The following PHACTR4 variants were observed in gnomAD, a reference collection of about 807,000 sequenced individuals.
PHACTR4 encodes the protein protein phosphatase 1, regulatory subunit 124.
A neutral mutation model predicts 72.7 loss-of-function variants in PHACTR4; 51 were observed. The ratio of observed to expected loss-of-function variants is 0.70; its 90% CI spans 0.56 to 0.89. The LOEUF is 0.89. PHACTR4 is among the 40% of genes least tolerant of loss of function. The pLI, the probability that PHACTR4 is intolerant of heterozygous loss-of-function variation, is 0.00. For synonymous variants in PHACTR4, 255 were observed against 302.5 expected, an observed-to-expected ratio of 0.84 and a Z score of 1.63; for missense variants, 731 against 861.8, an observed-to-expected ratio of 0.85 and a Z score of 1.90.
chr1:28,449,939 T>C (rs1021975386), intron 2 of PHACTR4, among the ~76,000 whole-genome samples: 1 of 151,940 alleles, frequency 6.6e-6, no homozygotes, highest in Non-Finnish European at 1.5e-5. Flanking sequence ...AGGAAAAATA[T>C]GGTGGTTGAA....
At chr1:28,473,027 C>A (rs1399845690) in intron 6 of PHACTR4, among the ~76,000 whole-genome samples, 1 of 150,980 alleles carries the variant, frequency 6.6e-6, no homozygotes, top group Non-Finnish European at 1.5e-5. Flanking sequence ...GTAATCCCAA[C>A]ACTTTGAGAG....
intron 2 of PHACTR4, chr1:28,454,010 G>T: frequency 2.4e-6 from 1 of 421,518 alleles, no homozygotes; most frequent in Non-Finnish European, 4.5e-6. Context: ...GAGCTCAGGG[G>T]TTTGAGACCA....
chr1:28,420,115 G>A (rs1438988586), intron 2 of PHACTR4, among the ~76,000 whole-genome samples: 1 of 152,134 alleles, frequency 6.6e-6, no homozygotes, highest in African/African-American at 2.4e-5. Context: ...TGAACTGTGA[G>A]TGGTCTCGCA....
At chr1:28,426,619 G>T (rs988114533) in intron 2 of PHACTR4, among the ~76,000 whole-genome samples, 1 of 151,386 alleles carries the variant, frequency 6.6e-6, no homozygotes, top group Non-Finnish European at 1.5e-5. Flanking sequence ...AGCCGAGATT[G>T]CACCACTGCA....
intron 1 of PHACTR4, among the ~76,000 whole-genome samples, chr1:28,400,883 G>A: frequency 6.6e-6 from 1 of 152,060 alleles, no homozygotes; most frequent in East Asian, 1.9e-4. Flanking sequence ...CCCGGCCTGA[G>A]TGAAGGGTTT....
intron 9 of PHACTR4, 84 bp downstream of exon 9, chr1:28,480,688 G>A (rs763499762): frequency 6.4e-7 from 1 of 1,552,736 alleles, no homozygotes; most frequent in Non-Finnish European, 8.8e-7. Flanking sequence ...GTTTTTTTGT[G>A]TGTGTTTTGT....
At chr1:28,458,185 A>G (rs1185618595) in intron 2 of PHACTR4, among the ~76,000 whole-genome samples, 4 of 148,928 alleles carry the variant, frequency 2.7e-5, no homozygotes, top group Admixed American at 6.8e-5. Flanking sequence ...TCTGTTGCCC[A>G]GGCTGGAGTG....
chr1:28,432,063 G>A (rs1229610717), intron 2 of PHACTR4, among the ~76,000 whole-genome samples: 1 of 152,234 alleles, frequency 6.6e-6, no homozygotes, highest in Non-Finnish European at 1.5e-5. Context: ...ACAAAAATTA[G>A]CTGGGTGTGG....
At chr1:28,418,183 C>T (rs146237376) in intron 2 of PHACTR4, among the ~76,000 whole-genome samples, 1,599 of 151,562 alleles carry the variant, frequency 0.011, 27 homozygotes, top group African/African-American at 0.037. Flanking sequence ...TACATTTGTC[C>T]GGCTGGGTGT....
At chr1:28,481,107 C>G (rs967074180) in intron 9 of PHACTR4, among the ~76,000 whole-genome samples, 1 of 152,066 alleles carries the variant, frequency 6.6e-6, no homozygotes, top group Non-Finnish European at 1.5e-5. Flanking sequence ...TCATGGCTCA[C>G]CACCTCCAAC....
chr1:28,465,960 C>T, intron 5 of PHACTR4, 111 bp downstream of exon 5: 2 of 1,096,754 alleles, frequency 1.8e-6, no homozygotes, highest in Non-Finnish European at 2.6e-6. Flanking sequence ...ATTACATTCT[C>T]CTTTAACAAT....
At chr1:28,411,201 C>G (rs1373256785) in intron 2 of PHACTR4, among the ~76,000 whole-genome samples, 1 of 151,644 alleles carries the variant, frequency 6.6e-6, no homozygotes, top group Admixed American at 6.6e-5. Flanking sequence ...CACCTGCCAC[C>G]ACACCCAACT....
chr1:28,414,903 G>A (rs1655011602), intron 2 of PHACTR4, among the ~76,000 whole-genome samples: 2 of 152,080 alleles, frequency 1.3e-5, no homozygotes, highest in African/African-American at 2.4e-5. Context: ...TCATTTCAGA[G>A]ACCTGGATAA....
chr1:28,370,617 A>AAAAAAAAG (rs1337703948), intron 1 of PHACTR4, among the ~76,000 whole-genome samples: 1 of 151,794 alleles, frequency 6.6e-6, no homozygotes. Context: ...CTTGCAAAAA[A>AAAAAAAAG]AAAAAACCCT....
At chr1:28,449,870 C>T (rs1034059218) in intron 2 of PHACTR4, among the ~76,000 whole-genome samples, 1 of 151,660 alleles carries the variant, frequency 6.6e-6, no homozygotes, top group Non-Finnish European at 1.5e-5. Flanking sequence ...AAAAATCACC[C>T]CTGAAATTCA....
chr1:28,473,688 A>G lies in PHACTR4; in HGVS notation c.958A>G (p.Ser320Gly). ...SAAAITTKTP[S>G]DEREKSTCSM... Reference sequence around the variant, plus strand: ...TGCTGCCATCACCACAAAAACACCAAGTGATGAAAGAGAGAAGAGCACGTG... The same window carrying G: ...TGCTGCCATCACCACAAAAACACCAGGTGATGAAAGAGAGAAGAGCACGTG... Residue 320 changes from serine to glycine, a missense_variant, in exon 7 of 14, where the codon AGT becomes GGT. Ser to Gly is a moderately conservative substitution (Grantham distance 56). Transcript: ENST00000373839. 1 of 1,614,082 alleles carries G rather than the reference A, an allele frequency of 6.2e-7. No individual in the cohort carries two copies. Among genetic ancestry groups the G allele is most frequent in the Non-Finnish European group, 8.5e-7 (1 of 1,180,014 alleles).
At chr1:28,439,663 C>T (rs931163940) in intron 2 of PHACTR4, among the ~76,000 whole-genome samples, 2 of 152,178 alleles carry the variant, frequency 1.3e-5, no homozygotes, top group African/African-American at 4.8e-5. Context: ...TCTGGGGCCA[C>T]TCCCCAGCCT....
chr1:28,385,666 G>T (rs1299009966), intron 1 of PHACTR4, among the ~76,000 whole-genome samples: 1 of 148,710 alleles, frequency 6.7e-6, no homozygotes, highest in African/African-American at 2.5e-5. Flanking sequence ...GCCCAGGCTG[G>T]AGTGCGGTGG....
chr1:28,466,707 T>G lies in PHACTR4; in HGVS notation c.762T>G (p.Pro254=). The stretch of plus-strand genomic sequence containing the variant: ...CCCCAAGCCTCACTCATATGGTCCC[T>G]GCCAAGCAGCCCCCTATCCCTCCCC... ...TATPSLTHMV[P]AKQPPIPPPK... Residue 254 remains proline, a synonymous_variant, in exon 6 of 14, where the codon CCT becomes CCG. Coordinates refer to ENST00000373839, the MANE Select transcript of PHACTR4 (RefSeq NM_001048183.3). 1 of 1,614,048 alleles carries G rather than the reference T, an allele frequency of 6.2e-7. No homozygotes were observed. The highest frequency in any genetic ancestry group is 8.5e-7 in the Non-Finnish European group (1 of 1,180,022).
Sources: allele counts gnomAD v4.1 joint callset (sites outside exome capture counted in the v4.1 genomes callset), GRCh38; gene constraint gnomAD v4.1.1; transcripts MANE v1.5; gene names NCBI Gene and HGNC (gene_info 2026-07-23, HGNC 2026-07-21).